The following LAMA3 variants were observed in gnomAD, a reference collection of about 807,000 sequenced individuals.
LAMA3 encodes the protein laminin subunit alpha 3.
A neutral mutation model predicts 402.0 loss-of-function variants in LAMA3; 281 were observed. That is an observed-to-expected ratio of 0.70 (90% CI 0.63 to 0.77). LAMA3 has a LOEUF of 0.77. Ranked by LOEUF, LAMA3 falls within the 30% of genes least tolerant of loss-of-function variation. The probability of loss-of-function intolerance (pLI) is 0.00; values close to 1 mark genes in which losing one functional copy is unlikely to be tolerated. For synonymous variants in LAMA3, 1,431 were observed against 1,558.4 expected, an observed-to-expected ratio of 0.92 and a Z score of 1.93; for missense variants, 3,840 against 4,215.5, an observed-to-expected ratio of 0.91 and a Z score of 2.47.
rs139388865 is a variant in LAMA3, at chr18:23,809,135, G to C, written c.1604-1231G>C. On this transcript the variant is annotated intron_variant, in intron 12 of 74. Transcript: ENST00000313654. The stretch of plus-strand genomic sequence containing the variant: ...ATGTTAATAAGTGTGAACACTTCCT[G>C]AGCATTTCGGCTGTGCGAAGCATCG... Among the ~76,000 whole-genome samples the C allele has an allele frequency of 1.2e-4, 19 of 152,320 alleles. 1 individual carries two copies. Among genetic ancestry groups the C allele is most frequent in the Non-Finnish European group, 2.2e-4 (15 of 68,038 alleles).
intron 12 of LAMA3, among the ~76,000 whole-genome samples, chr18:23,786,098 T>C (rs2062539835): frequency 6.6e-6 from 1 of 152,234 alleles, no homozygotes; most frequent in Admixed American, 6.5e-5. Context: ...TTGAAGTCTC[T>C]GTTAATGGTC....
chr18:23,736,047 A>T (rs2061468274), intron 2 of LAMA3, among the ~76,000 whole-genome samples: 1 of 151,946 alleles, frequency 6.6e-6, no homozygotes, highest in Non-Finnish European at 1.5e-5. Flanking sequence ...CCTTTCAAAA[A>T]CTTCAACATT....
At chr18:23,783,106 T>C (rs1488379220) in intron 11 of LAMA3, among the ~76,000 whole-genome samples, 2 of 152,128 alleles carry the variant, frequency 1.3e-5, no homozygotes, top group Non-Finnish European at 2.9e-5. Flanking sequence ...GTTGGGACAT[T>C]TGGGAGTATC....
intron 37 of LAMA3, 111 bp from the exon 38 acceptor site, chr18:23,871,320 C>T (rs2064510779): frequency 1.2e-6 from 1 of 820,300 alleles, no homozygotes; most frequent in South Asian, 1.4e-5. Flanking sequence ...TCATTTCTCC[C>T]TATGCATTTT....
chr18:23,745,154 TC>T (rs1180981817), intron 2 of LAMA3, among the ~76,000 whole-genome samples: 1 of 151,190 alleles, frequency 6.6e-6, no homozygotes, highest in Non-Finnish European at 1.5e-5. Context: ...GTCTGTAACT[TC>T]CTTTCAAAGA....
chr18:23,890,374 T>C (rs943621054), intron 42 of LAMA3, among the ~76,000 whole-genome samples: 1 of 152,126 alleles, frequency 6.6e-6, no homozygotes, highest in African/African-American at 2.4e-5. Context: ...AAGTGAATTG[T>C]TTTTGAAACT....
At chr18:23,803,523 G>A (rs1568200499) in intron 12 of LAMA3, among the ~76,000 whole-genome samples, 1 of 152,172 alleles carries the variant, frequency 6.6e-6, no homozygotes, top group South Asian at 2.1e-4. Flanking sequence ...CATTTAGAGA[G>A]GGTTTTCACT....
rs553128424 is a variant in LAMA3, at chr18:23,877,833, C to T, written c.5112+1426C>T. On this transcript the variant is annotated intron_variant, in intron 39 of 74. Coordinates refer to ENST00000313654, the MANE Select transcript of LAMA3 (RefSeq NM_198129.4). ...TTTAATTAAGAATAAATACGTTGGC[C>T]GGGCACGGTGGCTCATGCCTGTAAT... is the stretch of plus-strand genomic sequence containing the variant. 7.2e-5 allele frequency among the ~76,000 whole-genome samples: 11 copies of T among 152,260 alleles called. No homozygotes were observed. In the East Asian group the frequency reaches 7.7e-4, roughly 11 times the overall value.
intron 18 of LAMA3, among the ~76,000 whole-genome samples, chr18:23,817,157 A>G (rs749385396): frequency 2.6e-5 from 4 of 152,202 alleles, no homozygotes; most frequent in Non-Finnish European, 4.4e-5. Flanking sequence ...ACAATGAACT[A>G]TAGGAGCGAG....
chr18:23,826,832 T>C (rs988972691), intron 22 of LAMA3, 33 bp downstream of exon 22: 12 of 1,342,908 alleles, frequency 8.9e-6, no homozygotes, highest in East Asian at 5.0e-5. Context: ...AGCCGCATCA[T>C]TGGGGTCCTC....
chr18:23,760,076 G>A (rs1373333328), intron 7 of LAMA3, among the ~76,000 whole-genome samples: 1 of 152,130 alleles, frequency 6.6e-6, no homozygotes, highest in African/African-American at 2.4e-5. Context: ...ATGAATTCCA[G>A]CATTTGCAAC....
rs1258107 is a variant in LAMA3, at chr18:23,931,208, G to T, written c.8576+7G>T. 3.4e-3 allele frequency: 5,449 copies of T among 1,610,880 alleles called. 11 individuals carry two copies. Among genetic ancestry groups the T allele is most frequent in the Non-Finnish European group, 4.1e-3 (4,878 of 1,177,022 alleles). ...TAATAAGCGACAACTCTGGGTGAGT[G>T]GAATAATACTTCTGTCAGAGCTGTG... On this transcript the variant is annotated splice_region_variant and intron_variant, in intron 65 of 74. Coordinates refer to ENST00000313654, the MANE Select transcript of LAMA3 (RefSeq NM_198129.4).
At chr18:23,801,527 A>T (rs745344339) in intron 12 of LAMA3, among the ~76,000 whole-genome samples, 1 of 152,182 alleles carries the variant, frequency 6.6e-6, no homozygotes, top group Non-Finnish European at 1.5e-5. Context: ...TGTCCCTTTC[A>T]TATACAAATT....
At chr18:23,937,323 G>A (rs145605041) in intron 67 of LAMA3, among the ~76,000 whole-genome samples, 22 of 138,852 alleles carry the variant, frequency 1.6e-4, no homozygotes, top group South Asian at 4.6e-4. Context: ...CTGAGATCGC[G>A]CCACTGCACT....
At chr18:23,764,908 T>C (rs1052789356) in intron 8 of LAMA3, among the ~76,000 whole-genome samples, 1 of 152,200 alleles carries the variant, frequency 6.6e-6, no homozygotes, top group African/African-American at 2.4e-5. Context: ...TTGGTCTCAA[T>C]TGATTGTCTT....
chr18:23,831,033 C>T (rs560249113), intron 23 of LAMA3, among the ~76,000 whole-genome samples: 360 of 152,270 alleles, frequency 2.4e-3, no homozygotes, highest in Non-Finnish European at 4.2e-3. Context: ...AATTCTTTCC[C>T]GCACCCAAAC....
At chr18:23,881,120 A>G (rs936888222) in intron 39 of LAMA3, among the ~76,000 whole-genome samples, 23 of 152,250 alleles carry the variant, frequency 1.5e-4, no homozygotes, top group Admixed American at 1.2e-3. Context: ...AAGAAAATAA[A>G]CAAATTTGAC....
Position 23,931,093 on chromosome 18 carries a change from G to T in LAMA3, c.8468G>T (p.Gly2823Val). ...TRNLQVTLED[G>V]YIELSTSDSG... ...AACCTGCAGGTCACTCTGGAAGATGGTTACATTGAATTGAGCACCAGCGAT... is the reference window on the plus strand; with the variant it reads ...AACCTGCAGGTCACTCTGGAAGATGTTTACATTGAATTGAGCACCAGCGAT... Residue 2823 changes from glycine (G) to valine (V), a missense_variant, in exon 65 of 75, where the codon GGT becomes GTT. By Grantham distance (109) the Gly-to-Val change is moderately radical. Transcript: ENST00000313654. 2 of 1,613,808 alleles carry T rather than the reference G, an allele frequency of 1.2e-6. No homozygotes were observed. The highest frequency in any genetic ancestry group is 1.7e-6 in the Non-Finnish European group (2 of 1,179,718).
chr18:23,949,647 A>G, intron 70 of LAMA3, 118 bp from the exon 71 acceptor site: 3 of 974,166 alleles, frequency 3.1e-6, no homozygotes, highest in Non-Finnish European at 4.9e-6. Context: ...AGCGGGAAGA[A>G]TGAATCCCTA....
Sources: gnomAD v4.1 joint callset for allele counts (sites outside exome capture counted in the v4.1 genomes callset) on GRCh38, gnomAD v4.1.1 for gene constraint, MANE v1.5 for transcripts, NCBI Gene and HGNC (gene_info 2026-07-23, HGNC 2026-07-21) for gene names.